SAFB2: variants seen among roughly 807,000 people sequenced by gnomAD.
SAFB2 encodes scaffold attachment factor B2.
SAFB2 carries 32 observed loss-of-function variants against 100.6 expected under a neutral mutation model. The ratio of observed to expected loss-of-function variants is 0.32; its 90% CI spans 0.24 to 0.43. The LOEUF (loss-of-function observed/expected upper bound fraction) is 0.43, where lower values mean the gene tolerates loss of function less well. Ranked by LOEUF, SAFB2 falls within the 20% of genes least tolerant of loss-of-function variation. The pLI is 1.00. For missense variants in SAFB2, 1,185 were observed against 1,163.4 expected (o/e 1.02, Z -0.27); for synonymous variants, 500 against 439.4 (o/e 1.14, Z -1.72).
At chr19:5,606,323 A>C (rs1473123504) in intron 9 of SAFB2, among the ~76,000 whole-genome samples, 2 of 152,232 alleles carry the variant, frequency 1.3e-5, no homozygotes, top group Non-Finnish European at 2.9e-5. Context: ...CACAACATCC[A>C]GTAAAAAATT....
rs138987465 is a variant in SAFB2, at chr19:5,610,479, G to A, written c.1195+160C>T. On this transcript the variant is annotated intron_variant, in intron 8 of 20. Coordinates refer to ENST00000252542, the MANE Select transcript of SAFB2 (RefSeq NM_014649.3). Reference sequence around the variant, plus strand: ...AGAAACATAAAATGCAGGTGCTTGCGAACTTCTAAAACTAGTCTCTCAAGA... The same window carrying A: ...AGAAACATAAAATGCAGGTGCTTGCAAACTTCTAAAACTAGTCTCTCAAGA... 41 of 647,228 alleles carry A rather than the reference G, an allele frequency of 6.3e-5. 1 individual carries two copies. Among genetic ancestry groups the A allele is most frequent in the Admixed American group, 5.8e-4 (18 of 31,258 alleles). The allele number at this position is 647,228 out of a possible 1,614,324, so 40.1% of individuals were successfully genotyped here.
chr19:5,608,032 T>C (rs1295653475), intron 9 of SAFB2, among the ~76,000 whole-genome samples: 1 of 152,220 alleles, frequency 6.6e-6, no homozygotes, highest in African/African-American at 2.4e-5. Flanking sequence ...GCAGGCACCA[T>C]ACTAAGCTTG....
At chr19:5,610,474 C>T (rs2052885137) in intron 8 of SAFB2, 165 bp downstream of exon 8, 1 of 639,984 alleles carries the variant, frequency 1.6e-6, no homozygotes, top group East Asian at 2.8e-5. Context: ...AATGCAGGTG[C>T]TTGCGAACTT....
chr19:5,604,503 G>A (rs1290036837), intron 11 of SAFB2, 80 bp downstream of exon 11: 9 of 990,380 alleles, frequency 9.1e-6, no homozygotes, highest in Non-Finnish European at 1.3e-5. Flanking sequence ...GGGGACAGAT[G>A]CGTGTTTTTC....
rs1414093479 is a variant in SAFB2, at chr19:5,594,190, G to A, written c.1920-12C>T. 5.1e-6 allele frequency: 8 copies of A among 1,577,004 alleles called. No individual in the cohort carries two copies. Among genetic ancestry groups the A allele is most frequent in the Non-Finnish European group, 6.8e-6 (8 of 1,168,380 alleles). On this transcript the variant is annotated splice_polypyrimidine_tract_variant and intron_variant, in intron 14 of 20. Transcript: ENST00000252542. ...GCTGCTCGCGCTCCCTGCGGGGACA[G>A]GTGAGGCTGCCCTGAACTCCCTGCG...
intron 9 of SAFB2, 27 bp from the exon 10 acceptor site, chr19:5,604,963 T>G: frequency 1.2e-6 from 2 of 1,606,604 alleles, no homozygotes; most frequent in Non-Finnish European, 8.5e-7. Flanking sequence ...ACTCTTACTC[T>G]CTCATACAAA....
At chr19:5,594,281 G>A (rs2052489580) in intron 14 of SAFB2, 103 bp from the exon 15 acceptor site, 2 of 1,317,926 alleles carry the variant, frequency 1.5e-6, no homozygotes, top group Middle Eastern at 2.1e-4. Context: ...AAAAAAAAAT[G>A]GATCCAAAAG....
intron 13 of SAFB2, 123 bp downstream of exon 13, chr19:5,598,670 T>C (rs919233103): frequency 2.6e-6 from 2 of 775,556 alleles, no homozygotes; most frequent in Admixed American, 2.1e-5. Flanking sequence ...TACACAATTA[T>C]CGCGCCTCCT....
intron 9 of SAFB2, among the ~76,000 whole-genome samples, chr19:5,607,320 G>A (rs569659903): frequency 3.8e-4 from 58 of 152,080 alleles, no homozygotes; most frequent in African/African-American, 1.4e-3. Flanking sequence ...AAGCAAAAAA[G>A]CCAAACCACA....
At position 5,622,513 on chromosome 19, in the gene SAFB2, G is replaced by C; in HGVS notation, c.186+17C>G. 3.2e-6 allele frequency: 5 copies of C among 1,585,162 alleles called. No homozygotes were observed. Among genetic ancestry groups the C allele is most frequent in the Non-Finnish European group, 3.4e-6 (4 of 1,166,920 alleles). ...CCCGGGCCTCCTGCGCCACCCCCGA[G>C]CCCCGCGCCGCCTCACCTTCTTGAG... On this transcript the variant is annotated intron_variant, in intron 1 of 20. Coordinates refer to ENST00000252542, the MANE Select transcript of SAFB2 (RefSeq NM_014649.3).
chr19:5,612,417 G>T, intron 6 of SAFB2, 123 bp downstream of exon 6: 2 of 881,962 alleles, frequency 2.3e-6, no homozygotes, highest in East Asian at 2.4e-5. Context: ...ATCCTTGTAT[G>T]ATCTGGATTG....
At chr19:5,610,951 T>C (rs1361788566) in intron 7 of SAFB2, 169 bp downstream of exon 7, 7 of 604,050 alleles carry the variant, frequency 1.2e-5, no homozygotes, top group African/African-American at 1.9e-5. Flanking sequence ...AGAAAAGGAA[T>C]TGAATCACCC....
Position 5,609,662 on chromosome 19 carries a change from A to G in SAFB2, c.1296+333T>C, listed in dbSNP as rs1166590536. Among the ~76,000 whole-genome samples, 3 of 152,324 alleles carry G rather than the reference A, an allele frequency of 2.0e-5. 1 individual carries two copies. The highest frequency in any genetic ancestry group is 4.1e-4 in the South Asian group (2 of 4,830). On this transcript the variant is annotated intron_variant, in intron 9 of 20. Transcript: ENST00000252542. ...TTGAGACCAGTTAGAAAGAACCCCA[A>G]GAACATTGAGAGAGAAGCTGTTTAT...
intron 2 of SAFB2, among the ~76,000 whole-genome samples, chr19:5,619,738 A>G (rs771100515): frequency 1.6e-4 from 24 of 151,994 alleles, no homozygotes; most frequent in Admixed American, 3.3e-4. Flanking sequence ...GCAGCTACTC[A>G]GGAGGCTGAG....
At chr19:5,596,681 G>C (rs978746739) in intron 13 of SAFB2, among the ~76,000 whole-genome samples, 3 of 152,088 alleles carry the variant, frequency 2.0e-5, no homozygotes, top group Non-Finnish European at 4.4e-5. Context: ...AAAGCTCAGA[G>C]CTGTAACAAC....
intron 9 of SAFB2, among the ~76,000 whole-genome samples, 175 bp from the exon 10 acceptor site, chr19:5,605,111 CTT>C (rs1187608417): frequency 6.9e-6 from 1 of 144,476 alleles, no homozygotes. Context: ...AATACAATTG[CTT>C]TTTTTTTTTT....
At chr19:5,615,465 T>C (rs1002923046) in intron 4 of SAFB2, among the ~76,000 whole-genome samples, 1 of 152,048 alleles carries the variant, frequency 6.6e-6, no homozygotes, top group African/African-American at 2.4e-5. Context: ...CCCAGCACTC[T>C]GGGAGGCTGA....
intron 9 of SAFB2, among the ~76,000 whole-genome samples, chr19:5,605,740 G>C (rs540991659): frequency 7.9e-5 from 12 of 152,312 alleles, no homozygotes; most frequent in Admixed American, 7.8e-4. Context: ...ATGAAACGTA[G>C]GCAACGACAG....
At position 5,616,088 on chromosome 19, in the gene SAFB2, C is replaced by T. The variant is rs370853007; in HGVS notation, c.543+44G>A. On this transcript the variant is annotated intron_variant, in intron 4 of 20. Transcript: ENST00000252542. The stretch of plus-strand genomic sequence containing the variant: ...CGAGCAGCACGCGAGCACCAGGTGC[C>T]TCGGGGCTATGGGCACATCCTGCCG... 103 of 1,595,106 alleles carry T rather than the reference C, an allele frequency of 6.5e-5. 2 individuals carry two copies. Among genetic ancestry groups the T allele is most frequent in the Middle Eastern group, 5.6e-4 (3 of 5,328 alleles).
Sources: allele counts gnomAD v4.1 joint callset (sites outside exome capture counted in the v4.1 genomes callset), GRCh38; gene constraint gnomAD v4.1.1; transcripts MANE v1.5; gene names NCBI Gene and HGNC (gene_info 2026-07-23, HGNC 2026-07-21).